NIFK: variants seen among roughly 807,000 people sequenced by gnomAD.
NIFK encodes the protein MKI67 FHA domain-interacting nucleolar phosphoprotein.
Under a neutral mutation model 31.7 loss-of-function variants are expected in NIFK, and 16 were observed. That is an observed-to-expected ratio of 0.50 (90% confidence interval 0.34 to 0.77). The LOEUF is 0.77. Ranked by LOEUF, NIFK falls within the 30% of genes least tolerant of loss-of-function variation. The pLI is 0.01. For synonymous variants in NIFK, 126 were observed against 123.0 expected (o/e 1.02, Z -0.16); for missense variants, 341 against 350.4 (o/e 0.97, Z 0.21).
rs2074496921 is a variant in NIFK, at chr2:121,727,154, C to A, written c.*570G>T. ...GGTTATTAATTCATGCTAGCACAACCAAAACTAATTTAACATTATTGGTAA... is the reference window on the plus strand; with the variant it reads ...GGTTATTAATTCATGCTAGCACAACAAAAACTAATTTAACATTATTGGTAA... On this transcript the variant is annotated 3_prime_UTR_variant, in exon 7 of 7. Coordinates refer to ENST00000285814, the MANE Select transcript of NIFK (RefSeq NM_032390.5). 1 of 247,108 alleles carries A rather than the reference C, an allele frequency of 4.0e-6. No individual in the cohort carries two copies. Among genetic ancestry groups the A allele is most frequent in the Non-Finnish European group, 8.2e-6 (1 of 122,326 alleles). 15.3% of individuals were successfully genotyped at this position (247,108 alleles called of 1,614,324 possible). A position where few individuals can be genotyped will look rare whatever the true frequency, so the allele number is the denominator to read the frequency against.
At chr2:121,735,267 A>T (rs1483689064) in intron 2 of NIFK, among the ~76,000 whole-genome samples, 3 of 152,224 alleles carry the variant, frequency 2.0e-5, no homozygotes, top group Non-Finnish European at 2.9e-5. Flanking sequence ...TCAGCAGTCC[A>T]ACTCCAGAGT....
chr2:121,735,823 C>A, intron 1 of NIFK, 73 bp from the exon 2 acceptor site: 1 of 1,311,480 alleles, frequency 7.6e-7, no homozygotes, highest in Non-Finnish European at 1.1e-6. Context: ...CCCTAGCCCT[C>A]GGCCCAAGAA....
intron 6 of NIFK, 136 bp downstream of exon 6, chr2:121,728,152 T>TA: frequency 1.4e-6 from 1 of 725,226 alleles, no homozygotes; most frequent in South Asian, 2.1e-5. Flanking sequence ...AGAAAATTGC[T>TA]AAATCAACAA....
rs553624537 is a variant in NIFK, at chr2:121,734,639, A to G, written c.243+974T>C. Among the ~76,000 whole-genome samples, 6 of 152,196 alleles carry G rather than the reference A, an allele frequency of 3.9e-5. No homozygotes were observed. In the South Asian group the frequency reaches 1.0e-3, roughly 26 times the overall value. On this transcript the variant is annotated intron_variant, in intron 2 of 6. Coordinates refer to ENST00000285814, the MANE Select transcript of NIFK (RefSeq NM_032390.5). ...AACCCCGTCTCTAGTAAAACACACA[A>G]AAAATTAGCCAGGCATGGTGGCAGG...
At position 121,735,097 on chromosome 2, in the gene NIFK, T is replaced by C. The variant is rs1039157867; in HGVS notation, c.243+516A>G. ...GACACAAATAGTAATTATACTTATATAGTGTTTATTGTGTACCAAGCAATC... is the reference window on the plus strand; with the variant it reads ...GACACAAATAGTAATTATACTTATACAGTGTTTATTGTGTACCAAGCAATC... On this transcript the variant is annotated intron_variant, in intron 2 of 6. Coordinates refer to ENST00000285814, the MANE Select transcript of NIFK (RefSeq NM_032390.5). Among the ~76,000 whole-genome samples the C allele has an allele frequency of 5.9e-5, 9 of 152,250 alleles. No individual in the cohort carries two copies. In the South Asian group the frequency reaches 1.0e-3, roughly 18 times the overall value.
At chr2:121,733,144 C>A (rs551893647) in intron 2 of NIFK, among the ~76,000 whole-genome samples, 1 of 149,648 alleles carries the variant, frequency 6.7e-6, no homozygotes, top group Non-Finnish European at 1.5e-5. Flanking sequence ...TCCAGGAGGC[C>A]GAGGTGGGTG....
At position 121,732,124 on chromosome 2, in the gene NIFK, G is replaced by A. The variant is rs200871910; in HGVS notation, c.324C>T (p.Asn108=). The change falls in exon 3 of 7, where the codon AAC becomes AAT. Residue 108 remains asparagine, a synonymous_variant. Coordinates refer to ENST00000285814, the MANE Select transcript of NIFK (RefSeq NM_032390.5). ...VAKIVAETMN[N]YLFGERLLEC... ...CCAAGAGTCTTTCACCAAACAGGTA[G>A]TTGTTCATTGTTTCAGCAACTATTT... is the stretch of plus-strand genomic sequence containing the variant. 2 of 1,610,158 alleles carry A rather than the reference G, an allele frequency of 1.2e-6. No individual in the cohort carries two copies. The highest frequency in any genetic ancestry group is 2.7e-5 in the African/African-American group (2 of 74,848).
At chr2:121,729,286 T>C (rs2074518932) in intron 4 of NIFK, among the ~76,000 whole-genome samples, 1 of 149,904 alleles carries the variant, frequency 6.7e-6, no homozygotes, top group African/African-American at 2.5e-5. Flanking sequence ...GAGAATCGCT[T>C]GAACCTGGGA....
At position 121,727,375 on chromosome 2, in the gene NIFK, A is replaced by C. The variant is rs1343378560; in HGVS notation, c.*349T>G. 2 of 488,990 alleles carry C rather than the reference A, an allele frequency of 4.1e-6. No homozygotes were observed. Among genetic ancestry groups the C allele is most frequent in the East Asian group, 1.3e-4 (2 of 15,700 alleles). 30.3% of individuals were successfully genotyped at this position (488,990 alleles called of 1,614,324 possible). A position where few individuals can be genotyped will look rare whatever the true frequency, so the allele number is the denominator to read the frequency against. On this transcript the variant is annotated 3_prime_UTR_variant, in exon 7 of 7. Transcript: ENST00000285814. Reference sequence around the variant, plus strand: ...GGACAAACAAGATTGGTGGTCTTTAATTGCTGGCGACAGAAAAGGCTGCAG... The same window carrying C: ...GGACAAACAAGATTGGTGGTCTTTACTTGCTGGCGACAGAAAAGGCTGCAG...
Position 121,728,514 on chromosome 2 carries a change from A to C in NIFK, c.587T>G (p.Ile196Ser). 1 of 1,583,556 alleles carries C rather than the reference A, an allele frequency of 6.3e-7. No individual in the cohort carries two copies. Among genetic ancestry groups the C allele is most frequent in the South Asian group, 1.2e-5 (1 of 85,308 alleles). ...PSLILQKTES[I>S]SKTNRQTSTK... The stretch of plus-strand genomic sequence containing the variant: ...AGACGTCTGACGATTAGTTTTTGAA[A>C]TACTTTCCGTTTTCTGTAAAATCTT... Residue 196 changes from isoleucine (I) to serine (S), a missense_variant, in exon 5 of 7, where the codon ATT (isoleucine) becomes AGT (serine). Ile to Ser is a moderately radical substitution (Grantham distance 142, BLOSUM62 -2). Transcript: ENST00000285814.
intron 3 of NIFK, among the ~76,000 whole-genome samples, chr2:121,731,798 C>T (rs12616209): frequency 0.18 from 26,980 of 152,130 alleles, 3,933 homozygotes; most frequent in African/African-American, 0.39. Context: ...TCAATGTCAA[C>T]TATACTTCCT....
At chr2:121,734,139 T>G (rs1201535591) in intron 2 of NIFK, among the ~76,000 whole-genome samples, 1 of 151,110 alleles carries the variant, frequency 6.6e-6, no homozygotes, top group East Asian at 2.0e-4. Context: ...CTACTAAAAA[T>G]ACAAAAATTA....
Position 121,730,897 on chromosome 2 carries a change from G to T in NIFK, c.560C>A (p.Ser187Tyr), listed in dbSNP as rs772627155. The change falls in exon 4 of 7, where the codon TCT (serine) becomes TAT (tyrosine). Residue 187 changes from serine (S) to tyrosine (Y), a missense_variant. Physicochemically the swap from Ser to Tyr is moderately radical, Grantham distance 144 (BLOSUM62 -2). Transcript: ENST00000285814. ...AKKGIDYDFP[S>Y]LILQKTESIS... is the part of the protein sequence containing the mutation. ...AAAGATTTCACGAATATTTACCAAA[G>T]AAGGAAAATCATAGTCAATTCCTTT... 1.3e-6 allele frequency: 2 copies of T among 1,597,732 alleles called. No homozygotes were observed. The highest frequency in any genetic ancestry group is 2.2e-5 in the South Asian group (2 of 90,690).
rs2074583312 is a variant in NIFK, at chr2:121,736,649, G to A, written c.105+97C>T. 2.9e-6 allele frequency: 3 copies of A among 1,043,700 alleles called. No individual in the cohort carries two copies. The East Asian group carries it at 7.2e-5, about 25-fold the overall frequency. 64.7% of individuals were successfully genotyped at this position (1,043,700 alleles called of 1,614,324 possible). On this transcript the variant is annotated intron_variant, in intron 1 of 6. Coordinates refer to ENST00000285814, the MANE Select transcript of NIFK (RefSeq NM_032390.5). Reference sequence around the variant, plus strand: ...GGAGGTAATGAAGGCGAGCACGAAGGCAAGGGGCGCCCGGGCCGGAAACCG... The same window carrying A: ...GGAGGTAATGAAGGCGAGCACGAAGACAAGGGGCGCCCGGGCCGGAAACCG...
intron 4 of NIFK, 124 bp downstream of exon 4, chr2:121,730,769 C>T: frequency 2.9e-6 from 2 of 687,258 alleles, no homozygotes; most frequent in East Asian, 2.6e-5. Context: ...TGCTTGAACC[C>T]AGGATGTGGA....
intron 1 of NIFK, 198 bp from the exon 2 acceptor site, chr2:121,735,948 C>T (rs1192761285): frequency 3.5e-6 from 2 of 563,602 alleles, no homozygotes; most frequent in Admixed American, 6.5e-5. Flanking sequence ...AGCCTGGCAT[C>T]CCAGCACCCA....
rs1195018750 is a variant in NIFK at position 121,730,906 on chromosome 2, T to C, written c.551A>G (p.Asp184Gly). ...ACGAATATTTACCAAAGAAGGAAAA[T>C]CATAGTCAATTCCTTTTTTAGCTAA... ...KKLAKKGIDY[D>G]FPSLILQKTE... The change falls in exon 4 of 7, where the codon GAT (aspartate) becomes GGT (glycine). Residue 184 changes from aspartate (D) to glycine (G), a missense_variant. Asp to Gly is a moderately conservative substitution (Grantham distance 94, BLOSUM62 -1). Coordinates refer to ENST00000285814, the MANE Select transcript of NIFK (RefSeq NM_032390.5). 1.2e-6 allele frequency: 2 copies of C among 1,605,900 alleles called. No homozygotes were observed. The highest frequency in any genetic ancestry group is 1.1e-5 in the South Asian group (1 of 90,860).
chr2:121,733,285 C>T (rs2074556750), intron 2 of NIFK, among the ~76,000 whole-genome samples: 1 of 151,892 alleles, frequency 6.6e-6, no homozygotes, highest in Non-Finnish European at 1.5e-5. Context: ...GAGGCCGAGG[C>T]AGGTGGATCA....
intron 4 of NIFK, among the ~76,000 whole-genome samples, chr2:121,730,021 T>C (rs745534372): frequency 2.6e-5 from 4 of 152,098 alleles, no homozygotes; most frequent in Admixed American, 2.6e-4. Context: ...GAGACCAGAC[T>C]GACCAACATG....
Sources: gnomAD v4.1 joint callset for allele counts (sites outside exome capture counted in the v4.1 genomes callset) on GRCh38, gnomAD v4.1.1 for gene constraint, MANE v1.5 for transcripts, NCBI Gene and HGNC (gene_info 2026-07-23, HGNC 2026-07-21) for gene names.